Variants in PRKN observed in about 807,000 individuals in gnomAD.
The protein encoded by PRKN is E3 ubiquitin-protein ligase parkin.
Under a neutral mutation model 59.5 loss-of-function variants are expected in PRKN, and 56 were observed. The observed-to-expected ratio is 0.94, with a 90% confidence interval of 0.76 to 1.18. The LOEUF (loss-of-function observed/expected upper bound fraction) is 1.18. PRKN is among the 50% of genes most tolerant of loss of function. The probability of loss-of-function intolerance (pLI) is 0.00; values close to 1 mark genes in which losing one functional copy is unlikely to be tolerated. For synonymous variants in PRKN, 250 were observed against 222.1 expected, an observed-to-expected ratio of 1.13 and a Z score of -1.12; for missense variants, 657 against 596.4, an observed-to-expected ratio of 1.10 and a Z score of -1.06.
rs946432513 is a variant in PRKN, at chr6:161,530,350, GTGACAT to G, written c.1083+18498_1083+18503del. On this transcript the variant is annotated intron_variant, in intron 9 of 11. Coordinates refer to ENST00000366898, the MANE Select transcript of PRKN (RefSeq NM_004562.3). This position sits in a 1 kb window ranked among gnomAD's most constrained non-coding sequence, Gnocchi z 5.0. The stretch of plus-strand genomic sequence containing the variant: ...TGTCTAGGGAAATGCACCTTCTCCT[GTGACAT>G]TGCATATCATCTTCCATATCAGGTA... Among the ~76,000 whole-genome samples, 15 of 152,110 alleles carry G rather than the reference GTGACAT, an allele frequency of 9.9e-5. No individual in the cohort carries two copies. The highest frequency in any genetic ancestry group is 2.1e-4 in the Non-Finnish European group (14 of 68,022).
At chr6:162,162,167 C>T (rs949783083) in intron 4 of PRKN, among the ~76,000 whole-genome samples, 1 of 152,132 alleles carries the variant, frequency 6.6e-6, no homozygotes, top group Non-Finnish European at 1.5e-5. Context: ...ACAGCAACCT[C>T]CACCTCCCAG....
intron 6 of PRKN, among the ~76,000 whole-genome samples, chr6:161,873,709 C>A (rs1033345959): frequency 1.3e-5 from 2 of 151,408 alleles, no homozygotes; most frequent in South Asian, 4.2e-4. Context: ...ATTTGACTCT[C>A]GTCAAAAAAA....
chr6:162,458,400 T>C (rs1791003710), intron 1 of PRKN, among the ~76,000 whole-genome samples: 1 of 149,112 alleles, frequency 6.7e-6, no homozygotes, highest in African/African-American at 2.5e-5. Context: ...CACTCCAGTC[T>C]GGGTGATAAG....
At chr6:162,629,273 A>G (rs1327057935) in intron 1 of PRKN, among the ~76,000 whole-genome samples, 1 of 152,180 alleles carries the variant, frequency 6.6e-6, no homozygotes, top group Non-Finnish European at 1.5e-5. Context: ...GTCCAATTTT[A>G]TAACATTATT....
At chr6:162,132,569 T>C (rs1245608102) in intron 4 of PRKN, among the ~76,000 whole-genome samples, 1 of 152,142 alleles carries the variant, frequency 6.6e-6, no homozygotes, top group African/African-American at 2.4e-5. Context: ...ACTGTTGAAA[T>C]GTACTGGAAT....
chr6:161,748,411 A>C (rs1012750), intron 7 of PRKN, among the ~76,000 whole-genome samples: 23,535 of 151,726 alleles, frequency 0.16, 2,324 homozygotes, highest in Middle Eastern at 0.26. Flanking sequence ...CAGACTATAA[A>C]CTGCCCTAAG....
At chr6:161,748,853 A>T (rs1308577318) in intron 7 of PRKN, among the ~76,000 whole-genome samples, 1 of 152,150 alleles carries the variant, frequency 6.6e-6, no homozygotes, top group Non-Finnish European at 1.5e-5. Flanking sequence ...GCAGAGCAAG[A>T]GGGGATAGCT....
intron 1 of PRKN, among the ~76,000 whole-genome samples, chr6:162,481,329 A>G (rs1445704384): frequency 6.6e-6 from 1 of 152,176 alleles, no homozygotes; most frequent in African/African-American, 2.4e-5. Context: ...AGGTAAACTT[A>G]AGTCTCTTCA....
At position 161,419,004 on chromosome 6, in the gene PRKN, G is replaced by A. The variant is rs12660146; in HGVS notation, c.1084-32127C>T. 3.3e-5 allele frequency among the ~76,000 whole-genome samples: 5 copies of A among 152,194 alleles called. No homozygotes were observed. In the East Asian group the frequency reaches 9.6e-4, roughly 29 times the overall value. ...TCGTATATCATAGAAAATTAGAAGT[G>A]AGGCAGTAAAGCGAGTCTCTGAAAA... On this transcript the variant is annotated intron_variant, in intron 9 of 11. Transcript: ENST00000366898. This position sits in a 1 kb window ranked among gnomAD's most constrained non-coding sequence, Gnocchi z 4.1.
At chr6:162,505,694 G>C (rs1184946587) in intron 1 of PRKN, among the ~76,000 whole-genome samples, 1 of 152,134 alleles carries the variant, frequency 6.6e-6, no homozygotes, top group African/African-American at 2.4e-5. Flanking sequence ...AACTTTAGGA[G>C]GGATGAAGGG....
At chr6:162,591,893 A>G (rs1294064804) in intron 1 of PRKN, among the ~76,000 whole-genome samples, 4 of 110,900 alleles carry the variant, frequency 3.6e-5, no homozygotes, top group Non-Finnish European at 6.5e-5. Flanking sequence ...GAACTGCTAG[A>G]AAAAAAAAAA....
intron 6 of PRKN, among the ~76,000 whole-genome samples, chr6:161,874,347 T>TG (rs1794548989): frequency 1.2e-5 from 1 of 82,540 alleles, no homozygotes; most frequent in Non-Finnish European, 2.0e-5. Flanking sequence ...ATATTATATA[T>TG]AAAATATATA....
chr6:162,151,558 G>T (rs1371891732), intron 4 of PRKN, among the ~76,000 whole-genome samples: 1 of 152,162 alleles, frequency 6.6e-6, no homozygotes, highest in Non-Finnish European at 1.5e-5. Context: ...GCAGCCACAA[G>T]AAAACTGAGT....
intron 1 of PRKN, among the ~76,000 whole-genome samples, chr6:162,640,768 T>C (rs1777927138): frequency 6.6e-6 from 1 of 152,170 alleles, no homozygotes; most frequent in Non-Finnish European, 1.5e-5. Context: ...TGCTTGACAA[T>C]TCCCTGAAGG....
intron 7 of PRKN, among the ~76,000 whole-genome samples, chr6:161,707,807 G>A (rs1356124459): frequency 6.6e-6 from 1 of 152,070 alleles, no homozygotes; most frequent in Non-Finnish European, 1.5e-5. Context: ...CTCCGTCACT[G>A]CCTGCTGCTT....
At chr6:161,494,253 A>G (rs960883551) in intron 9 of PRKN, among the ~76,000 whole-genome samples, 3 of 152,170 alleles carry the variant, frequency 2.0e-5, no homozygotes, top group Non-Finnish European at 4.4e-5. Flanking sequence ...GGACTTTGTG[A>G]TGTCTTGGCA....
At chr6:162,311,883 T>C (rs1782533471) in intron 2 of PRKN, among the ~76,000 whole-genome samples, 1 of 152,092 alleles carries the variant, frequency 6.6e-6, no homozygotes, top group Admixed American at 6.6e-5. Flanking sequence ...ACTGTCTTTC[T>C]GTCTTGAATA....
At chr6:161,589,825 G>T (rs1051112401) in intron 7 of PRKN, among the ~76,000 whole-genome samples, 1 of 149,274 alleles carries the variant, frequency 6.7e-6, no homozygotes, top group African/African-American at 2.5e-5. Flanking sequence ...TGTCACCCAG[G>T]CTGGTGTGTA....
chr6:161,612,718 CAAAAA>C lies in PRKN; in HGVS notation c.872-43307_872-43303del, dbSNP rs57084261. Among the ~76,000 whole-genome samples the C allele has an allele frequency of 2.2e-4, 13 of 59,630 alleles. No individual in the cohort carries two copies. The Admixed American group carries it at 2.6e-3, about 12-fold the overall frequency. 39.1% of individuals were successfully genotyped at this position (59,630 alleles called of 152,430 possible). On this transcript the variant is annotated intron_variant, in intron 7 of 11. Transcript: ENST00000366898. ...CCTGGGTGACAGTCAGACTCCATCT[CAAAAA>C]AAAAAAAAAAAAAAAAAAGAATTAT... is the stretch of plus-strand genomic sequence containing the variant.
Sources: allele counts gnomAD v4.1 joint callset (sites outside exome capture counted in the v4.1 genomes callset), GRCh38; gene constraint gnomAD v4.1.1; non-coding constraint Gnocchi (gnomAD v3.1); transcripts MANE v1.5; gene names NCBI Gene and HGNC (gene_info 2026-07-23, HGNC 2026-07-21).